Variants in KRT20 observed in about 807,000 individuals in gnomAD.
The protein encoded by KRT20 is keratin, type I cytoskeletal 20.
KRT20 carries 41 observed loss-of-function variants against 43.0 expected under a neutral mutation model. That is an observed-to-expected ratio of 0.95 (90% confidence interval 0.74 to 1.24). The LOEUF is 1.24. Among genes scored for constraint, KRT20 ranks in the 50% most tolerant of loss-of-function variants. KRT20 has a pLI of 0.00. For synonymous variants in KRT20, 207 were observed against 200.6 expected, an observed-to-expected ratio of 1.03 and a Z score of -0.27; for missense variants, 533 against 521.2, an observed-to-expected ratio of 1.02 and a Z score of -0.22.
chr17:40,877,420 G>GTTTT lies in KRT20; in HGVS notation c.1140-7_1140-4dup. The GTTTT allele has an allele frequency of 1.6e-6, 2 of 1,219,292 alleles. No individual in the cohort carries two copies. The highest frequency in any genetic ancestry group is 1.7e-5 in the African/African-American group (1 of 60,196). The allele number at this position is 1,219,292 out of a possible 1,614,324, so 75.5% of individuals were successfully genotyped here. ...TGCTTAACTGATATTCTGTAGTTCT[G>GTTTT]TTTTTTTTTTTAATGAAAAGAAGAA... On this transcript the variant is annotated splice_region_variant and splice_polypyrimidine_tract_variant and intron_variant, in intron 6 of 7. Coordinates refer to ENST00000167588, the MANE Select transcript of KRT20 (RefSeq NM_019010.3).
intron 2 of KRT20, 108 bp downstream of exon 2, chr17:40,882,464 A>G (rs2143312748): frequency 4.5e-6 from 2 of 448,576 alleles, no homozygotes; most frequent in East Asian, 8.6e-5. Context: ...GATTCTGGAC[A>G]TTGAACCGTG....
Position 40,881,056 on chromosome 17 carries a change from T to A in KRT20, c.474-286A>T, listed in dbSNP as rs567234602. Among the ~76,000 whole-genome samples, 5 of 152,274 alleles carry A rather than the reference T, an allele frequency of 3.3e-5. No homozygotes were observed. The South Asian group carries it at 1.0e-3, about 32-fold the overall frequency. On this transcript the variant is annotated intron_variant, in intron 2 of 7. Coordinates refer to ENST00000167588, the MANE Select transcript of KRT20 (RefSeq NM_019010.3). Reference sequence around the variant, plus strand: ...GAATTTATCTTATAAGAAATTAAATTGTGTTAATTATTGTGTTGGCAAAGG... The same window carrying A: ...GAATTTATCTTATAAGAAATTAAATAGTGTTAATTATTGTGTTGGCAAAGG...
rs778838906 is a variant in KRT20, at chr17:40,885,006, T to C, written c.180A>G (p.Thr60=). ...RHTVNYGSDL[T]GGGDLFVGNE... is the part of the protein sequence containing the mutation. ...TGCCAACAAACAGGTCCCCGCCGCCTGTGAGATCGCTCCCATAGTTCACCG... is the reference window on the plus strand; with the variant it reads ...TGCCAACAAACAGGTCCCCGCCGCCCGTGAGATCGCTCCCATAGTTCACCG... Residue 60 remains threonine, a synonymous_variant, in exon 1 of 8, where the codon ACA becomes ACG. Transcript: ENST00000167588. 1.2e-6 allele frequency: 2 copies of C among 1,614,218 alleles called. No individual in the cohort carries two copies. The highest frequency in any genetic ancestry group is 2.2e-5 in the South Asian group (2 of 91,092).
intron 7 of KRT20, 101 bp downstream of exon 7, chr17:40,877,279 A>G: frequency 6.3e-6 from 5 of 790,548 alleles, no homozygotes; most frequent in Non-Finnish European, 1.0e-5. Context: ...ACAGCAGCAG[A>G]AAACAGACTA....
rs765279504 is a variant in KRT20 at position 40,879,882 on chromosome 17, C to T, written c.849G>A (p.Glu283=). 9 of 1,613,358 alleles carry T rather than the reference C, an allele frequency of 5.6e-6. No individual in the cohort carries two copies. Among genetic ancestry groups the T allele is most frequent in the Middle Eastern group, 1.6e-4 (1 of 6,084 alleles). ...TGCGTCTCAGCTCCGTTAGTTGAAC[C>T]TCAGTTCCTTTTAATTCTTCAGTAT... The part of the protein sequence containing the change: ...TVNTEELKGT[E]VQLTELRRTS... The change falls in exon 5 of 8, where the codon GAG becomes GAA. Residue 283 remains glutamate, a synonymous_variant. Transcript: ENST00000167588.
rs200160703 is a variant in KRT20, at chr17:40,876,367, A to G, written c.1269T>C (p.Asn423=). ...VSSEVKEVEE[N]I is the part of the protein sequence containing the mutation. ...ATCTCCTTCTGGTAGCTATTTAGAT[A>G]TTTTCTTCCACCTCTTTGACTTCAG... is the stretch of plus-strand genomic sequence containing the variant. Residue 423 remains asparagine (N), a synonymous_variant, in exon 8 of 8, where the codon AAT becomes AAC. Transcript: ENST00000167588. The G allele has an allele frequency of 3.4e-5, 55 of 1,604,004 alleles. No homozygotes were observed. In the Admixed American group the frequency reaches 3.5e-4, roughly 10 times the overall value.
chr17:40,879,403 G>A (rs1428801330), intron 5 of KRT20, among the ~76,000 whole-genome samples: 1 of 152,166 alleles, frequency 6.6e-6, no homozygotes, highest in African/African-American at 2.4e-5. Flanking sequence ...CTAACAGAGG[G>A]TGGAGGGTAG....
In KRT20 at chr17:40,880,773, G is replaced by A; in HGVS notation, c.474-3C>T. Reference sequence around the variant, plus strand: ...GTATTCCTCTCTCAGTCTCATACCTGTGAATTAATTAGTGTACAGAGATAA... The same window carrying A: ...GTATTCCTCTCTCAGTCTCATACCTATGAATTAATTAGTGTACAGAGATAA... On this transcript the variant is annotated splice_region_variant and splice_polypyrimidine_tract_variant and intron_variant, in intron 2 of 7. Transcript: ENST00000167588. 6.6e-7 allele frequency: 1 copy of A among 1,521,490 alleles called. No homozygotes were observed. The highest frequency in any genetic ancestry group is 8.8e-7 in the Non-Finnish European group (1 of 1,136,232). The allele number at this position is 1,521,490 out of a possible 1,614,324, so 94.2% of individuals were successfully genotyped here.
Position 40,880,674 on chromosome 17 carries a change from C to T in KRT20, c.570G>A (p.Leu190=), listed in dbSNP as rs966116161. ...TATTCAGTTCTTCAATTTGAATCTC[C>T]AAATCTGTTTTATGTAGGGTTAGGT... ...FDDLTLHKTD[L]EIQIEELNKD... The change falls in exon 3 of 8, where the codon TTG becomes TTA. Residue 190 remains leucine, a synonymous_variant. Coordinates refer to ENST00000167588, the MANE Select transcript of KRT20 (RefSeq NM_019010.3). 1 of 1,612,636 alleles carries T rather than the reference C, an allele frequency of 6.2e-7. No individual in the cohort carries two copies. The highest frequency in any genetic ancestry group is 2.2e-5 in the East Asian group (1 of 44,846).
At position 40,876,140 on chromosome 17, in the gene KRT20, T is replaced by G; in HGVS notation, c.*221A>C. The G allele has an allele frequency of 2.3e-6, 1 of 438,716 alleles. No individual in the cohort carries two copies. The highest frequency in any genetic ancestry group is 4.1e-6 in the Non-Finnish European group (1 of 245,746). The allele number at this position is 438,716 out of a possible 1,614,324, so 27.2% of individuals were successfully genotyped here. ...AATGATGTTTTAAATATTCTAGTGC[T>G]CACTGGATTTCATTTTTGCAGGCAA... On this transcript the variant is annotated 3_prime_UTR_variant, in exon 8 of 8. Coordinates refer to ENST00000167588, the MANE Select transcript of KRT20 (RefSeq NM_019010.3).
chr17:40,884,853 C>T lies in KRT20; in HGVS notation c.333G>A (p.Pro111=), dbSNP rs149399441. 9 of 1,614,062 alleles carry T rather than the reference C, an allele frequency of 5.6e-6. No individual in the cohort carries two copies. In the African/African-American group the frequency reaches 9.3e-5, roughly 17 times the overall value. The change falls in exon 1 of 8, where the codon CCG becomes CCA. Residue 111 remains proline (P), a synonymous_variant. Transcript: ENST00000167588. ...ATGCACTGTAGTCGCGACCAGCCCT[C>T]GGGGCGTTGGTTTCGTACCACTGCT... The part of the protein sequence containing the change: ...QIKQWYETNA[P]RAGRDYSAYY...
chr17:40,879,876 T>C lies in KRT20; in HGVS notation c.855A>G (p.Gln285=), dbSNP rs1201666600. 1 of 1,613,746 alleles carries C rather than the reference T, an allele frequency of 6.2e-7. No homozygotes were observed. The highest frequency in any genetic ancestry group is 1.7e-5 in the Admixed American group (1 of 59,922). The part of the protein sequence containing the change: ...NTEELKGTEV[Q]LTELRRTSQS... ...GGGAGGTGCGTCTCAGCTCCGTTAG[T>C]TGAACCTCAGTTCCTTTTAATTCTT... Residue 285 remains glutamine, a synonymous_variant, in exon 5 of 8, where the codon CAA becomes CAG. Transcript: ENST00000167588.
Position 40,875,890 on chromosome 17 carries a change from C to T in KRT20, c.*471G>A, listed in dbSNP as rs1310808623. 2 of 152,718 alleles carry T rather than the reference C, an allele frequency of 1.3e-5. No individual in the cohort carries two copies. The highest frequency in any genetic ancestry group is 4.8e-5 in the African/African-American group (2 of 41,432). The allele number at this position is 152,718 out of a possible 1,614,324, so 9.5% of individuals were successfully genotyped here. On this transcript the variant is annotated 3_prime_UTR_variant, in exon 8 of 8. Coordinates refer to ENST00000167588, the MANE Select transcript of KRT20 (RefSeq NM_019010.3). ...ATGCTGAAAAATCAATAAGATTAAC[C>T]CAGAAATTGGCTCAATAAGAAACCA...
At chr17:40,880,452 T>C (rs975566852) in intron 3 of KRT20, among the ~76,000 whole-genome samples, 162 bp downstream of exon 3, 3 of 152,212 alleles carry the variant, frequency 2.0e-5, no homozygotes, top group African/African-American at 7.2e-5. Context: ...AACAACATTA[T>C]GAAAAGAAGG....
chr17:40,881,088 A>G (rs1270125668), intron 2 of KRT20, among the ~76,000 whole-genome samples: 1 of 152,194 alleles, frequency 6.6e-6, no homozygotes. Flanking sequence ...AAGGGTTCTT[A>G]TTATTGATAT....
At chr17:40,877,219 C>G (rs752142195) in intron 7 of KRT20, among the ~76,000 whole-genome samples, 161 bp downstream of exon 7, 1 of 152,142 alleles carries the variant, frequency 6.6e-6, no homozygotes, top group Non-Finnish European at 1.5e-5. Context: ...GAACTGTGAG[C>G]CAAGTAAACG....
rs375365568 is a variant in KRT20 at position 40,880,680 on chromosome 17, T to A, written c.564A>T (p.Thr188=). Residue 188 remains threonine, a synonymous_variant, in exon 3 of 8, where the codon ACA becomes ACT. Coordinates refer to ENST00000167588, the MANE Select transcript of KRT20 (RefSeq NM_019010.3). ...GTTCTTCAATTTGAATCTCCAAATC[T>A]GTTTTATGTAGGGTTAGGTCATCAA... ...KVFDDLTLHK[T]DLEIQIEELN... is the part of the protein sequence containing the mutation. The A allele has an allele frequency of 1.2e-6, 2 of 1,612,670 alleles. No homozygotes were observed. Among genetic ancestry groups the A allele is most frequent in the Middle Eastern group, 3.3e-4 (2 of 6,054 alleles).
chr17:40,876,509 ATT>A, intron 7 of KRT20, 51 bp from the exon 8 acceptor site: 1 of 1,042,656 alleles, frequency 9.6e-7, no homozygotes, highest in South Asian at 1.4e-5. Flanking sequence ...GACTCTGCTG[ATT>A]TATAATATTC....
At chr17:40,878,421 G>T in intron 5 of KRT20, 56 bp from the exon 6 acceptor site, 1 of 1,293,930 alleles carries the variant, frequency 7.7e-7, no homozygotes, top group Non-Finnish European at 1.1e-6. Flanking sequence ...TTCAAGAGAT[G>T]GGTTAATTTT....
Sources: allele counts gnomAD v4.1 joint callset (sites outside exome capture counted in the v4.1 genomes callset), GRCh38; gene constraint gnomAD v4.1.1; transcripts MANE v1.5; gene names NCBI Gene and HGNC (gene_info 2026-07-23, HGNC 2026-07-21).